The following CYLD variants were observed in gnomAD, a reference collection of about 807,000 sequenced individuals.
CYLD encodes CYLD lysine 63 deubiquitinase.
CYLD carries 26 observed loss-of-function variants against 104.5 expected under a neutral mutation model. That is an observed-to-expected ratio of 0.25 (90% CI 0.18 to 0.35). The LOEUF is 0.35. Among genes scored for constraint, CYLD ranks in the 10% least tolerant of loss-of-function variants. CYLD has a pLI of 1.00. For missense variants in CYLD, 703 were observed against 1,136.1 expected, an observed-to-expected ratio of 0.62 and a Z score of 5.48; for synonymous variants, 385 against 399.9, an observed-to-expected ratio of 0.96 and a Z score of 0.45.
At chr16:50,778,131 GA>G in intron 8 of CYLD, 190 bp downstream of exon 8, 1 of 535,046 alleles carries the variant, frequency 1.9e-6, no homozygotes, top group South Asian at 2.4e-5. Flanking sequence ...AAATGTTTAA[GA>G]AATGTATTAG....
intron 7 of CYLD, among the ~76,000 whole-genome samples, chr16:50,776,811 C>A (rs781329636): frequency 1.8e-4 from 27 of 152,054 alleles, no homozygotes; most frequent in Non-Finnish European, 2.9e-4. Flanking sequence ...AGCCAAAGAG[C>A]TCATTAAAAA....
At position 50,795,323 on chromosome 16, in the gene CYLD, TG is replaced by T. The variant is rs1359289812; in HGVS notation, c.2686+899del. Among the ~76,000 whole-genome samples the T allele has an allele frequency of 5.3e-5, 8 of 152,324 alleles. No homozygotes were observed. In the East Asian group the frequency reaches 1.5e-3, roughly 29 times the overall value. ...GCATGTAGTATCTTTCTCCCTGAAG[TG>T]GGGAATAGGCTGCAGTTGCCAGGCC... On this transcript the variant is annotated intron_variant, in intron 18 of 18. Coordinates refer to ENST00000427738, the MANE Select transcript of CYLD (RefSeq NM_001378743.1).
rs370428449 is a variant in CYLD at position 50,779,716 on chromosome 16, G to A, written c.1190G>A (p.Arg397His). 60 of 1,613,498 alleles carry A rather than the reference G, an allele frequency of 3.7e-5. No individual in the cohort carries two copies. The highest frequency in any genetic ancestry group is 4.2e-5 in the Non-Finnish European group (49 of 1,179,886). ...ACAGAGATATCTACAGACTTTGACC[G>A]TTCTTCACCACCACTCCAGCCTCCT... Reference protein sequence around the residue: ...SLTEISTDFDRSSPPLQPPPV... With the variant: ...SLTEISTDFDHSSPPLQPPPV... The change falls in exon 9 of 19, where the codon CGT (arginine) becomes CAT (histidine). Residue 397 changes from arginine to histidine, a missense_variant. Transcript: ENST00000427738.
At chr16:50,757,756 T>A (rs1967428896) in intron 5 of CYLD, among the ~76,000 whole-genome samples, 1 of 152,126 alleles carries the variant, frequency 6.6e-6, no homozygotes, top group South Asian at 2.1e-4. Context: ...CAGGATGGTC[T>A]CAATCTCCTG....
rs1028921720 is a variant in CYLD, at chr16:50,799,364, TAGAG to T, written c.*2859_*2862del. ...GGAAGGAGAGCAGTGTTATCATACA[TAGAG>T]AGGCTAAATGTGTCCCATCCCTCAC... On this transcript the variant is annotated 3_prime_UTR_variant, in exon 19 of 19. Transcript: ENST00000427738. The T allele has an allele frequency of 3.4e-5, 8 of 233,500 alleles. No individual in the cohort carries two copies. Among genetic ancestry groups the T allele is most frequent in the Non-Finnish European group, 6.8e-5 (8 of 118,014 alleles). The allele number at this position is 233,500 out of a possible 1,614,324, so 14.5% of individuals were successfully genotyped here.
intron 5 of CYLD, among the ~76,000 whole-genome samples, chr16:50,774,345 A>G (rs573386674): frequency 8.5e-5 from 13 of 152,320 alleles, no homozygotes; most frequent in African/African-American, 3.1e-4. Context: ...GATACTTCCA[A>G]GACCCCCAGT....
intron 7 of CYLD, among the ~76,000 whole-genome samples, chr16:50,777,528 A>G (rs1471906534): frequency 6.6e-6 from 1 of 152,172 alleles, no homozygotes. Context: ...GCTGTGGTAC[A>G]TGGAACAATT....
chr16:50,744,982 C>G (rs537434588), intron 2 of CYLD: 5 of 152,418 alleles, frequency 3.3e-5, no homozygotes, highest in African/African-American at 1.2e-4. Flanking sequence ...AAAGGAAAGG[C>G]CTTCTGTTCA....
At chr16:50,746,392 G>A (rs1030467741) in intron 2 of CYLD, among the ~76,000 whole-genome samples, 34 of 152,194 alleles carry the variant, frequency 2.2e-4, no homozygotes, top group African/African-American at 7.7e-4. Flanking sequence ...GACTCGAGCC[G>A]TAAAGTTTCC....
chr16:50,755,161 ACGTG>A, intron 5 of CYLD, among the ~76,000 whole-genome samples: 1 of 140,840 alleles, frequency 7.1e-6, no homozygotes, highest in Middle Eastern at 3.7e-3. Flanking sequence ...GTATATACAC[ACGTG>A]TACATATGTG....
At position 50,801,318 on chromosome 16, in the gene CYLD, G is replaced by C; in HGVS notation, c.*4810G>C. 8.6e-6 allele frequency: 2 copies of C among 233,472 alleles called. No homozygotes were observed. The highest frequency in any genetic ancestry group is 1.7e-5 in the Non-Finnish European group (2 of 118,052). 14.5% of individuals were successfully genotyped at this position (233,472 alleles called of 1,614,324 possible). On this transcript the variant is annotated 3_prime_UTR_variant, in exon 19 of 19. Coordinates refer to ENST00000427738, the MANE Select transcript of CYLD (RefSeq NM_001378743.1). ...GCCAGGTTACTCAAGAACCACATTT[G>C]ATTTCCTGGCCCTTTGCCTTGGCAG... is the stretch of plus-strand genomic sequence containing the variant.
Position 50,781,347 on chromosome 16 carries a change from G to C in CYLD, c.1620G>C (p.Arg540Ser). 6.2e-7 allele frequency: 1 copy of C among 1,613,860 alleles called. No homozygotes were observed. The highest frequency in any genetic ancestry group is 8.5e-7 in the Non-Finnish European group (1 of 1,179,882). Residue 540 changes from arginine (R) to serine (S), a missense_variant, in exon 10 of 19, where the codon AGG becomes AGC. Physicochemically the swap from Arg to Ser is moderately radical, Grantham distance 110 (BLOSUM62 -1). Transcript: ENST00000427738. ...KALFVKLKSC[R>S]PDSRFASLQP... ...TGTTTGTGAAACTGAAGAGCTGCAGGCCTGACTCTAGGTTTGCATCATTGC... is the reference window on the plus strand; with the variant it reads ...TGTTTGTGAAACTGAAGAGCTGCAGCCCTGACTCTAGGTTTGCATCATTGC...
chr16:50,757,244 T>C (rs1967356469), intron 5 of CYLD, among the ~76,000 whole-genome samples: 1 of 152,132 alleles, frequency 6.6e-6, no homozygotes, highest in Admixed American at 6.6e-5. Context: ...AAGTAATCAA[T>C]GCTTGTTTTT....
rs1383933346 is a variant in CYLD at position 50,780,005 on chromosome 16, G to A, written c.1479G>A (p.Gln493=). The A allele has an allele frequency of 1.9e-6, 3 of 1,614,122 alleles. No individual in the cohort carries two copies. Among genetic ancestry groups the A allele is most frequent in the Non-Finnish European group, 2.5e-6 (3 of 1,179,994 alleles). Residue 493 remains glutamine, a synonymous_variant, in exon 9 of 19, where the codon CAG becomes CAA. Coordinates refer to ENST00000427738, the MANE Select transcript of CYLD (RefSeq NM_001378743.1). ...PFYGVIRWIG[Q]PPGLNEVLAG... Reference sequence around the variant, plus strand: ...ATGGGGTAATCCGTTGGATCGGTCAGCCACCAGGACTGAATGAAGTGCTCG... The same window carrying A: ...ATGGGGTAATCCGTTGGATCGGTCAACCACCAGGACTGAATGAAGTGCTCG...
intron 1 of CYLD, 102 bp downstream of exon 1, chr16:50,742,226 TGAG>T (rs1317795701): frequency 6.6e-6 from 1 of 151,396 alleles, no homozygotes; most frequent in Non-Finnish European, 1.5e-5. Flanking sequence ...GGTTAGTGAA[TGAG>T]CGGGCGGCTG....
intron 7 of CYLD, 135 bp from the exon 8 acceptor site, chr16:50,777,690 A>G: frequency 1.7e-6 from 1 of 586,904 alleles, no homozygotes; most frequent in Non-Finnish European, 3.1e-6. Flanking sequence ...GTTAAAAAAC[A>G]TATTGTGTTT....
At chr16:50,748,831 T>C (rs891187184) in intron 2 of CYLD, among the ~76,000 whole-genome samples, 1 of 152,192 alleles carries the variant, frequency 6.6e-6, no homozygotes, top group Non-Finnish European at 1.5e-5. Context: ...TATCACAATA[T>C]GGCCATATCA....
chr16:50,742,546 G>A (rs1185492954), intron 1 of CYLD: 3 of 334,880 alleles, frequency 9.0e-6, no homozygotes, highest in Non-Finnish European at 1.6e-5. Context: ...TCCCCCTCCC[G>A]CCCCCCACCC....
At chr16:50,743,372 AT>A (rs1286149093) in intron 2 of CYLD, among the ~76,000 whole-genome samples, 1 of 152,186 alleles carries the variant, frequency 6.6e-6, no homozygotes, top group Admixed American at 6.5e-5. Flanking sequence ...CTAGAACAGT[AT>A]TAGGAGAAAA....
Sources: allele counts gnomAD v4.1 joint callset (sites outside exome capture counted in the v4.1 genomes callset), GRCh38; gene constraint gnomAD v4.1.1; transcripts MANE v1.5; gene names NCBI Gene and HGNC (gene_info 2026-07-23, HGNC 2026-07-21).